DOCK3: variants seen among roughly 807,000 people sequenced by gnomAD.
DOCK3 encodes the protein dedicator of cytokinesis 3, also known as dedicator of cytokinesis protein 3.
DOCK3 carries 60 observed loss-of-function variants against 265.6 expected under a neutral mutation model. That is an observed-to-expected ratio of 0.23 (90% CI 0.18 to 0.28). The LOEUF (loss-of-function observed/expected upper bound fraction) is 0.28, where lower values mean the gene tolerates loss of function less well. Ranked by LOEUF, DOCK3 falls within the 10% of genes least tolerant of loss-of-function variation. The probability of loss-of-function intolerance (pLI) is 1.00; values close to 1 mark genes in which losing one functional copy is unlikely to be tolerated. For synonymous variants in DOCK3, 881 were observed against 938.0 expected (o/e 0.94, Z 1.11); for missense variants, 1,981 against 2,594.3 (o/e 0.76, Z 5.14).
chr3:51,167,872 A>G (rs2086483990), intron 12 of DOCK3, among the ~76,000 whole-genome samples: 2 of 152,168 alleles, frequency 1.3e-5, no homozygotes, highest in South Asian at 2.1e-4. Context: ...ATATAAGGTC[A>G]TGTCATCTGC....
chr3:50,922,521 G>A (rs745500996), intron 4 of DOCK3, among the ~76,000 whole-genome samples: 19 of 152,186 alleles, frequency 1.2e-4, no homozygotes, highest in Non-Finnish European at 1.2e-4. Flanking sequence ...GCAATGCCCC[G>A]CCCTGCTTCG....
chr3:51,119,768 G>A (rs1224747149), intron 9 of DOCK3, among the ~76,000 whole-genome samples: 2 of 151,726 alleles, frequency 1.3e-5, no homozygotes, highest in African/African-American at 2.4e-5. Context: ...ATTGATACTT[G>A]TGTATGCTTC....
At chr3:51,120,640 CCTTT>C (rs1468217228) in intron 9 of DOCK3, among the ~76,000 whole-genome samples, 1 of 152,198 alleles carries the variant, frequency 6.6e-6, no homozygotes, top group African/African-American at 2.4e-5. Context: ...GGGGCTGCTG[CCTTT>C]CTGTCAGAGA....
intron 17 of DOCK3, 150 bp downstream of exon 17, chr3:51,228,238 C>T (rs1013245504): frequency 9.5e-6 from 7 of 738,840 alleles, no homozygotes; most frequent in African/African-American, 8.8e-5. Context: ...TGTGGGCAGG[C>T]TTCTGTCTTC....
rs542688215 is a variant in DOCK3, at chr3:51,227,721, A to G, written c.1541-261A>G. On this transcript the variant is annotated intron_variant, in intron 16 of 52. Coordinates refer to ENST00000266037, the MANE Select transcript of DOCK3 (RefSeq NM_004947.5). The stretch of plus-strand genomic sequence containing the variant: ...TCTCCTTTGAGTATTCCTTTGTACC[A>G]TTATTAAACTGCTTATTAAAGAGAC... Among the ~76,000 whole-genome samples, 8 of 152,280 alleles carry G rather than the reference A, an allele frequency of 5.3e-5. No individual in the cohort carries two copies. In the South Asian group the frequency reaches 1.7e-3, roughly 32 times the overall value.
chr3:51,083,433 T>C (rs1244528730), intron 7 of DOCK3, among the ~76,000 whole-genome samples: 1 of 152,052 alleles, frequency 6.6e-6, no homozygotes, highest in Non-Finnish European at 1.5e-5. Context: ...AATAATTCTC[T>C]AGTAACAGAT....
chr3:51,086,643 C>T (rs567052644), intron 7 of DOCK3, among the ~76,000 whole-genome samples: 2 of 152,198 alleles, frequency 1.3e-5, no homozygotes, highest in South Asian at 4.2e-4. Flanking sequence ...ACTAAAAATA[C>T]AAAAATTAGC....
intron 9 of DOCK3, among the ~76,000 whole-genome samples, chr3:51,096,405 G>C (rs912317398): frequency 6.6e-5 from 10 of 150,880 alleles, no homozygotes; most frequent in African/African-American, 2.4e-4. Flanking sequence ...TTCAGTCTCT[G>C]ATATCCTTTC....
intron 9 of DOCK3, 69 bp from the exon 10 acceptor site, chr3:51,146,480 T>A: frequency 6.8e-7 from 1 of 1,472,130 alleles, no homozygotes. Flanking sequence ...TTTTTCCGTA[T>A]CTGCCCTTTT....
rs994339259 is a variant in DOCK3, at chr3:51,330,161, G to A, written c.3426G>A (p.Lys1142=). ...AGGTGGAGGCCGAGTTGATTGACAAGCTGGACAGCATGGTGTCAGAAGGGA... is the reference window on the plus strand; with the variant it reads ...AGGTGGAGGCCGAGTTGATTGACAAACTGGACAGCATGGTGTCAGAAGGGA... ...FKQVEAELID[K]LDSMVSEGKG... is the part of the protein sequence containing the mutation. Residue 1142 remains lysine, a synonymous_variant, in exon 33 of 53, where the codon AAG becomes AAA. Coordinates refer to ENST00000266037, the MANE Select transcript of DOCK3 (RefSeq NM_004947.5). 6.8e-6 allele frequency: 11 copies of A among 1,606,044 alleles called. No homozygotes were observed. The highest frequency in any genetic ancestry group is 9.3e-6 in the Non-Finnish European group (11 of 1,176,522).
intron 5 of DOCK3, among the ~76,000 whole-genome samples, chr3:51,046,418 C>T (rs2080779519): frequency 6.6e-6 from 1 of 151,938 alleles, no homozygotes. Flanking sequence ...AAATGGTAAC[C>T]TAAAGAGAGC....
At chr3:51,289,667 C>T (rs924615405) in intron 27 of DOCK3, among the ~76,000 whole-genome samples, 5 of 151,822 alleles carry the variant, frequency 3.3e-5, no homozygotes, top group African/African-American at 1.2e-4. Flanking sequence ...ATGCTGCCTA[C>T]AGTAGCCTCA....
At chr3:50,710,294 T>TA (rs1265793260) in intron 1 of DOCK3, among the ~76,000 whole-genome samples, 417 of 152,230 alleles carry the variant, frequency 2.7e-3, no homozygotes, top group African/African-American at 9.6e-3. Flanking sequence ...ATCCAGAATC[T>TA]ACGAGGAACT....
intron 13 of DOCK3, 106 bp from the exon 14 acceptor site, chr3:51,214,016 T>G: frequency 1.4e-6 from 2 of 1,480,732 alleles, no homozygotes; most frequent in Non-Finnish European, 1.8e-6. Context: ...CTCAAGAATT[T>G]TGCTGAACTT....
chr3:50,919,715 C>T (rs574939591), intron 4 of DOCK3, among the ~76,000 whole-genome samples: 2 of 152,284 alleles, frequency 1.3e-5, no homozygotes, highest in South Asian at 4.1e-4. Flanking sequence ...ATTTGACTTC[C>T]TCTTTTCCTA....
intron 43 of DOCK3, 125 bp downstream of exon 43, chr3:51,356,618 G>C: frequency 3.3e-6 from 3 of 903,362 alleles, no homozygotes; most frequent in Non-Finnish European, 5.2e-6. Context: ...GGCTCCCACA[G>C]GTCAACCCTG....
chr3:51,207,103 A>G (rs1330488479), intron 12 of DOCK3, among the ~76,000 whole-genome samples: 1 of 152,204 alleles, frequency 6.6e-6, no homozygotes, highest in Non-Finnish European at 1.5e-5. Context: ...GAGATTGCCC[A>G]GGAAGGCTTG....
chr3:50,899,511 CT>C (rs1262306217), intron 4 of DOCK3, among the ~76,000 whole-genome samples: 1 of 152,098 alleles, frequency 6.6e-6, no homozygotes. Flanking sequence ...GAATTTGATC[CT>C]GTCATTATGA....
At chr3:51,008,751 G>T (rs557978834) in intron 5 of DOCK3, among the ~76,000 whole-genome samples, 7 of 152,096 alleles carry the variant, frequency 4.6e-5, no homozygotes, top group Non-Finnish European at 8.8e-5. Context: ...ATTGGCTGTG[G>T]GTTTGTCATA....
Sources: allele counts gnomAD v4.1 joint callset (sites outside exome capture counted in the v4.1 genomes callset), GRCh38; gene constraint gnomAD v4.1.1; transcripts MANE v1.5; gene names NCBI Gene and HGNC (gene_info 2026-07-23, HGNC 2026-07-21).